EBF4: variants seen among roughly 807,000 people sequenced by gnomAD.
The protein encoded by EBF4 is EBF transcription factor 4.
A neutral mutation model predicts 67.1 loss-of-function variants in EBF4; 34 were observed. The observed-to-expected ratio is 0.51, with a 90% CI of 0.39 to 0.67. The LOEUF (loss-of-function observed/expected upper bound fraction) is 0.67. Ranked by LOEUF, EBF4 falls within the 30% of genes least tolerant of loss-of-function variation. The pLI, the probability that EBF4 is intolerant of heterozygous loss-of-function variation, is 0.00. For missense variants in EBF4, 837 were observed against 873.3 expected (o/e 0.96, Z 0.52); for synonymous variants, 387 against 377.7 (o/e 1.02, Z -0.29).
chr20:2,724,717 C>T (rs2087726456), intron 6 of EBF4, among the ~76,000 whole-genome samples: 1 of 152,098 alleles, frequency 6.6e-6, no homozygotes, highest in East Asian at 1.9e-4. Flanking sequence ...CCAGCCTGTG[C>T]AACATAGTGA....
intron 10 of EBF4, 81 bp downstream of exon 10, chr20:2,750,054 A>G (rs2088118363): frequency 6.8e-7 from 1 of 1,467,122 alleles, no homozygotes; most frequent in African/African-American, 1.4e-5. Flanking sequence ...GTTCTTGGTG[A>G]TAGGAGTTAG....
At chr20:2,708,877 G>A (rs955355994) in intron 5 of EBF4, among the ~76,000 whole-genome samples, 1 of 152,174 alleles carries the variant, frequency 6.6e-6, no homozygotes, top group Non-Finnish European at 1.5e-5. Flanking sequence ...TGCTTTCATG[G>A]GCAGATTCAC....
chr20:2,738,515 A>G (rs2087922209), intron 6 of EBF4, among the ~76,000 whole-genome samples: 1 of 152,126 alleles, frequency 6.6e-6, no homozygotes, highest in Non-Finnish European at 1.5e-5. Flanking sequence ...ACACAGGCAC[A>G]CCATGGTGAC....
At chr20:2,719,705 C>T (rs1239394792) in intron 6 of EBF4, among the ~76,000 whole-genome samples, 1 of 152,132 alleles carries the variant, frequency 6.6e-6, no homozygotes, top group Non-Finnish European at 1.5e-5. Flanking sequence ...ATGCCCAGCC[C>T]TTCATTATTA....
At chr20:2,732,171 C>T (rs1001574866) in intron 6 of EBF4, among the ~76,000 whole-genome samples, 4 of 151,838 alleles carry the variant, frequency 2.6e-5, no homozygotes, top group Admixed American at 2.6e-4. Context: ...GATGCAGTCT[C>T]AACTCACTAC....
intron 6 of EBF4, among the ~76,000 whole-genome samples, chr20:2,720,239 G>A (rs550673145): frequency 6.6e-6 from 1 of 152,220 alleles, no homozygotes; most frequent in African/African-American, 2.4e-5. Flanking sequence ...TGGGATTGCA[G>A]GCACCCACTA....
intron 6 of EBF4, among the ~76,000 whole-genome samples, chr20:2,714,777 G>A (rs1600214011): frequency 6.6e-6 from 1 of 152,082 alleles, no homozygotes; most frequent in African/African-American, 2.4e-5. Flanking sequence ...TTTGCCTATG[G>A]TGAAATTTGC....
At position 2,751,889 on chromosome 20, in the gene EBF4, C is replaced by T; in HGVS notation, c.1108-33C>T. On this transcript the variant is annotated intron_variant, in intron 11 of 16. Transcript: ENST00000609451. The surrounding 1 kb of genome is among the most constrained non-coding windows in gnomAD (Gnocchi z 5.2). Reference sequence around the variant, plus strand: ...CCCTTGGTCGCCCCCAGGGGCTGCCCCTCCGTCCCGCTGTCTCTCCCCCTG... The same window carrying T: ...CCCTTGGTCGCCCCCAGGGGCTGCCTCTCCGTCCCGCTGTCTCTCCCCCTG... 1 of 1,549,078 alleles carries T rather than the reference C, an allele frequency of 6.5e-7. No homozygotes were observed. Among genetic ancestry groups the T allele is most frequent in the Non-Finnish European group, 8.7e-7 (1 of 1,146,714 alleles).
At chr20:2,738,287 C>A (rs1233652260) in intron 6 of EBF4, among the ~76,000 whole-genome samples, 1 of 152,196 alleles carries the variant, frequency 6.6e-6, no homozygotes, top group Non-Finnish European at 1.5e-5. Flanking sequence ...CAACTTCTTT[C>A]CTTCAGACTC....
chr20:2,728,871 C>G (rs2087777817), intron 6 of EBF4, among the ~76,000 whole-genome samples: 1 of 151,924 alleles, frequency 6.6e-6, no homozygotes, highest in African/African-American at 2.4e-5. Context: ...GAATGGGCAA[C>G]AGATCACCAT....
In EBF4 at chr20:2,696,768, A is replaced by T. The variant is rs1194124629; in HGVS notation, c.137+2986A>T. Among the ~76,000 whole-genome samples, 1 of 152,094 alleles carries T rather than the reference A, an allele frequency of 6.6e-6. No individual in the cohort carries two copies. The highest frequency in any genetic ancestry group is 1.9e-4 in the East Asian group (1 of 5,186). On this transcript the variant is annotated intron_variant, in intron 1 of 16. Transcript: ENST00000609451. This position sits in a 1 kb window ranked among gnomAD's most constrained non-coding sequence, Gnocchi z 4.7. ...CCTCTTACACCCACCGACCCCAGCA[A>T]CTGCTCTTTCTGTGCCCTCCCACCC... is the stretch of plus-strand genomic sequence containing the variant.
exon 2 of EBF4, chr20:2,705,605 G>A (rs768858190): frequency 6.0e-5 from 93 of 1,552,706 alleles, no homozygotes; most frequent in Non-Finnish European, 8.1e-5. Context: ...AGCACATTTT[G>A]AGAAGCAGCC....
At chr20:2,709,202 A>G (rs570924233) in intron 5 of EBF4, among the ~76,000 whole-genome samples, 1 of 152,294 alleles carries the variant, frequency 6.6e-6, no homozygotes, top group African/African-American at 2.4e-5. Flanking sequence ...AAAGAAAAAA[A>G]GATTCACTTT....
chr20:2,729,525 GGCCGAA>G (rs1298222597), intron 6 of EBF4, among the ~76,000 whole-genome samples: 2 of 152,094 alleles, frequency 1.3e-5, no homozygotes, highest in African/African-American at 4.8e-5. Flanking sequence ...TCCCCTACTA[GGCCGAA>G]GTGAGACAGA....
At chr20:2,737,958 C>T (rs1296732633) in intron 6 of EBF4, among the ~76,000 whole-genome samples, 1 of 134,926 alleles carries the variant, frequency 7.4e-6, no homozygotes, top group Non-Finnish European at 1.6e-5. Flanking sequence ...GAGCGAGACT[C>T]CATTTCAAAA....
chr20:2,731,267 C>T (rs778093190), intron 6 of EBF4, among the ~76,000 whole-genome samples: 1 of 152,138 alleles, frequency 6.6e-6, no homozygotes, highest in Admixed American at 6.6e-5. Context: ...AATGTGGTGG[C>T]TTAAATATTT....
upstream of EBF4, chr20:2,693,524 C>T: frequency 8.2e-7 from 1 of 1,213,752 alleles, no homozygotes; most frequent in Non-Finnish European, 1.0e-6. This position sits in a 1 kb window ranked among gnomAD's most constrained non-coding sequence, Gnocchi z 4.6. Context: ...ACTGAGCCAC[C>T]CGGACTCGGC....
rs1286042722 is a variant in EBF4 at position 2,757,385 on chromosome 20, C to G, written c.1739-1524C>G. On this transcript the variant is annotated intron_variant, in intron 15 of 16. Transcript: ENST00000609451. ...CACACAGAATGGGGTCCCTTCCCAC[C>G]AGGGAACCCCCTCTGCACAGTTCAG... Among the ~76,000 whole-genome samples the G allele has an allele frequency of 4.0e-5, 6 of 150,848 alleles. No homozygotes were observed. The Admixed American group carries it at 4.0e-4, about 10-fold the overall frequency.
At chr20:2,710,467 G>A (rs2087527318) in intron 6 of EBF4, among the ~76,000 whole-genome samples, 1 of 151,940 alleles carries the variant, frequency 6.6e-6, no homozygotes, top group African/African-American at 2.4e-5. Flanking sequence ...TTTTGAAGAG[G>A]AAATGCATAA....
Sources: allele counts gnomAD v4.1 joint callset (sites outside exome capture counted in the v4.1 genomes callset), GRCh38; gene constraint gnomAD v4.1.1; non-coding constraint Gnocchi (gnomAD v3.1); transcripts MANE v1.5; gene names NCBI Gene and HGNC (gene_info 2026-07-23, HGNC 2026-07-21).